Variants in TMEM63B observed in about 807,000 individuals in gnomAD.
TMEM63B encodes the protein transmembrane protein 63B, also known as mechanosensitive cation channel TMEM63B.
TMEM63B carries 23 observed loss-of-function variants against 102.6 expected under a neutral mutation model. That is an observed-to-expected ratio of 0.22 (90% CI 0.16 to 0.32). The LOEUF (loss-of-function observed/expected upper bound fraction) is 0.32, where lower values mean the gene tolerates loss of function less well. Among genes scored for constraint, TMEM63B ranks in the 10% least tolerant of loss-of-function variants. The probability of loss-of-function intolerance (pLI) is 1.00; values close to 1 mark genes in which losing one functional copy is unlikely to be tolerated. For synonymous variants in TMEM63B, 444 were observed against 437.0 expected (o/e 1.02, Z -0.20); for missense variants, 628 against 1,095.9 (o/e 0.57, Z 6.03).
In TMEM63B at chr6:44,149,816, C is replaced by T. The variant is rs1176860686; in HGVS notation, c.1414-43C>T. 6 of 1,531,470 alleles carry T rather than the reference C, an allele frequency of 3.9e-6. No individual in the cohort carries two copies. The East Asian group carries it at 7.2e-5, about 18-fold the overall frequency. 94.9% of individuals were successfully genotyped at this position (1,531,470 alleles called of 1,614,324 possible). ...GCACATAAGCAAAGCCACCTGGGCC[C>T]CCTAGACTGCCCTGCCTGACGCCCC... On this transcript the variant is annotated intron_variant, in intron 15 of 23. Coordinates refer to ENST00000323267, the MANE Select transcript of TMEM63B (RefSeq NM_018426.3).
chr6:44,144,317 A>G (rs1373117291), intron 10 of TMEM63B, among the ~76,000 whole-genome samples: 1 of 152,174 alleles, frequency 6.6e-6, no homozygotes, highest in Non-Finnish European at 1.5e-5. Flanking sequence ...CAATTAGGAA[A>G]TATCTTGCAT....
At position 44,134,540 on chromosome 6, in the gene TMEM63B, AC is replaced by A; in HGVS notation, c.-24-20del. 1 of 1,601,456 alleles carries A rather than the reference AC, an allele frequency of 6.2e-7. No homozygotes were observed. Among genetic ancestry groups the A allele is most frequent in the Non-Finnish European group, 8.5e-7 (1 of 1,171,834 alleles). ...AAGGGGATGGGGGCAAGCCCAGCTG[AC>A]TGCTCCACCCTCTGCCCAGGAGGAC... On this transcript the variant is annotated intron_variant, in intron 1 of 23. Coordinates refer to ENST00000323267, the MANE Select transcript of TMEM63B (RefSeq NM_018426.3).
chr6:44,139,599 G>T lies in TMEM63B; in HGVS notation c.540G>T (p.Gly180=), dbSNP rs757620173. The part of the protein sequence containing the change: ...VGIVLPVNFS[G]DLLENNAYSF... ...TCGTGCTGCCTGTCAACTTCTCAGG[G>T]GACCTGCTGGGTCAGTGAGGGCCAG... Residue 180 remains glycine (G), a synonymous_variant, in exon 7 of 24, where the codon GGG becomes GGT. Transcript: ENST00000323267. 2 of 1,614,194 alleles carry T rather than the reference G, an allele frequency of 1.2e-6. No individual in the cohort carries two copies. Among genetic ancestry groups the T allele is most frequent in the Admixed American group, 3.3e-5 (2 of 60,028 alleles).
At chr6:44,138,431 T>A (rs1763447554) in intron 5 of TMEM63B, 49 bp from the exon 6 acceptor site, 1 of 1,613,114 alleles carries the variant, frequency 6.2e-7, no homozygotes, top group South Asian at 1.1e-5. Context: ...GGAGAGAGGT[T>A]CGGGTTGGTG....
chr6:44,136,445 T>C lies in TMEM63B; in HGVS notation c.369+6T>C. 1 of 1,611,608 alleles carries C rather than the reference T, an allele frequency of 6.2e-7. No individual in the cohort carries two copies. Among genetic ancestry groups the C allele is most frequent in the Non-Finnish European group, 8.5e-7 (1 of 1,178,376 alleles). ...ACTTTGACCAAAGGGACAATGTGAG[T>C]GCCCTCCCCCCAAACTTCTTAGTCC... On this transcript the variant is annotated splice_donor_region_variant and intron_variant, in intron 5 of 23. Transcript: ENST00000323267.
In TMEM63B at chr6:44,135,506, A is replaced by G. The variant is rs538483501; in HGVS notation, c.278+140A>G. On this transcript the variant is annotated intron_variant, in intron 4 of 23. Coordinates refer to ENST00000323267, the MANE Select transcript of TMEM63B (RefSeq NM_018426.3). The stretch of plus-strand genomic sequence containing the variant: ...GCAGGCTCATGTTTCGGATTAACGC[A>G]GGCGGTGTGCTTTGCAGAGCAGGGG... 15 of 1,117,006 alleles carry G rather than the reference A, an allele frequency of 1.3e-5. No individual in the cohort carries two copies. In the South Asian group the frequency reaches 2.3e-4, roughly 17 times the overall value. 69.2% of individuals were successfully genotyped at this position (1,117,006 alleles called of 1,614,324 possible). A position where few individuals can be genotyped will look rare whatever the true frequency, so the allele number is the denominator to read the frequency against.
rs764769859 is a variant in TMEM63B at position 44,154,089 on chromosome 6, G to A, written c.2127G>A (p.Thr709=). The stretch of plus-strand genomic sequence containing the variant: ...CAACACCAGGGTTCCTAGCTCCCAC[G>A]TCTATGTTCACATTTGTGGTCCTGG... ...STMRTGFLAP[T]SMFTFVVLVI... is the part of the protein sequence containing the mutation. Residue 709 remains threonine, a synonymous_variant, in exon 22 of 24, where the codon ACG becomes ACA. Coordinates refer to ENST00000323267, the MANE Select transcript of TMEM63B (RefSeq NM_018426.3). 14 of 1,613,970 alleles carry A rather than the reference G, an allele frequency of 8.7e-6. No homozygotes were observed. Among genetic ancestry groups the A allele is most frequent in the South Asian group, 2.2e-5 (2 of 91,084 alleles).
In TMEM63B at chr6:44,152,056, C is replaced by T. The variant is rs1766777426; in HGVS notation, c.1836+48C>T. 1 of 1,538,138 alleles carries T rather than the reference C, an allele frequency of 6.5e-7. No individual in the cohort carries two copies. Among genetic ancestry groups the T allele is most frequent in the Non-Finnish European group, 8.7e-7 (1 of 1,145,958 alleles). ...CGGCCCGCACAGCGCCCCCTGGTGG[C>T]CCAACAAGAAACAGCAGCCATCGCG... On this transcript the variant is annotated intron_variant, in intron 19 of 23. Coordinates refer to ENST00000323267, the MANE Select transcript of TMEM63B (RefSeq NM_018426.3). The surrounding 1 kb of genome is among the most constrained non-coding windows in gnomAD (Gnocchi z 6.4).
intron 20 of TMEM63B, among the ~76,000 whole-genome samples, chr6:44,153,418 A>G (rs375041098): frequency 1.3e-3 from 199 of 152,360 alleles, no homozygotes; most frequent in African/African-American, 4.5e-3. Flanking sequence ...ACGGGTTTTA[A>G]GAAGATGCTT....
Position 44,154,035 on chromosome 6 carries a change from A to G in TMEM63B, c.2111-38A>G, listed in dbSNP as rs373617212. 15 of 1,598,786 alleles carry G rather than the reference A, an allele frequency of 9.4e-6. No individual in the cohort carries two copies. The African/African-American group carries it at 1.6e-4, about 17-fold the overall frequency. ...CAGAAGCTGGGGTGGGGAGGCCCACAGGAGATAGCAACCCCATTCTTTGCC... is the reference window on the plus strand; with the variant it reads ...CAGAAGCTGGGGTGGGGAGGCCCACGGGAGATAGCAACCCCATTCTTTGCC... On this transcript the variant is annotated intron_variant, in intron 21 of 23. Coordinates refer to ENST00000323267, the MANE Select transcript of TMEM63B (RefSeq NM_018426.3).
chr6:44,140,952 T>C, intron 9 of TMEM63B, 76 bp from the exon 10 acceptor site: 1 of 1,318,978 alleles, frequency 7.6e-7, no homozygotes, highest in Non-Finnish European at 1.1e-6. Flanking sequence ...CTTTCTCTAG[T>C]GCCCCCCACC....
chr6:44,135,241 G>C (rs1762687643), intron 3 of TMEM63B, 87 bp from the exon 4 acceptor site: 3 of 1,566,436 alleles, frequency 1.9e-6, no homozygotes, highest in Non-Finnish European at 2.6e-6. Context: ...ATGGGGGCAT[G>C]AGGGCCCTAA....
In TMEM63B at chr6:44,149,974, C is replaced by T. The variant is rs1296710174; in HGVS notation, c.1520+9C>T. ...GAAGCCCACTGGACACGGTAAGGTGCCTCCACTCACACCACACCTCGCTGT... is the reference window on the plus strand; with the variant it reads ...GAAGCCCACTGGACACGGTAAGGTGTCTCCACTCACACCACACCTCGCTGT... On this transcript the variant is annotated intron_variant, in intron 16 of 23. Transcript: ENST00000323267. 1.2e-6 allele frequency: 2 copies of T among 1,609,846 alleles called. No homozygotes were observed. The highest frequency in any genetic ancestry group is 3.3e-5 in the Admixed American group (2 of 59,754).
intron 6 of TMEM63B, 111 bp downstream of exon 6, chr6:44,138,628 C>A: frequency 7.8e-7 from 1 of 1,280,270 alleles, no homozygotes; most frequent in Non-Finnish European, 1.1e-6. Flanking sequence ...TCCTCGCCAG[C>A]ACAGCACCCT....
intron 10 of TMEM63B, among the ~76,000 whole-genome samples, chr6:44,143,734 TAG>T (rs2128244709): frequency 6.6e-6 from 1 of 151,968 alleles, no homozygotes; most frequent in East Asian, 1.9e-4. Flanking sequence ...GAACTAGTAA[TAG>T]AGACTGTGTC....
In TMEM63B at chr6:44,150,550, C is replaced by G; in HGVS notation, c.1608-14C>G. On this transcript the variant is annotated splice_polypyrimidine_tract_variant and intron_variant, in intron 17 of 23. Transcript: ENST00000323267. The surrounding 1 kb of genome is among the most constrained non-coding windows in gnomAD (Gnocchi z 4.7). ...CTCCAGCTCCCACCCCATCTCTCCT[C>G]TGCTTCCCTCCAGCCTGGACCTCTT... The G allele has an allele frequency of 6.2e-7, 1 of 1,614,096 alleles. No individual in the cohort carries two copies. Among genetic ancestry groups the G allele is most frequent in the South Asian group, 1.1e-5 (1 of 91,058 alleles).
intron 10 of TMEM63B, among the ~76,000 whole-genome samples, chr6:44,145,714 T>A (rs996860082): frequency 1.3e-5 from 2 of 152,132 alleles, no homozygotes; most frequent in Non-Finnish European, 2.9e-5. Context: ...GGCAGGATGA[T>A]CACTTGAACC....
intron 10 of TMEM63B, among the ~76,000 whole-genome samples, chr6:44,141,426 C>A (rs1380652174): frequency 6.6e-6 from 1 of 152,174 alleles, no homozygotes; most frequent in Non-Finnish European, 1.5e-5. Context: ...TTAAAAGCAG[C>A]ATTCTGGAGT....
intron 10 of TMEM63B, among the ~76,000 whole-genome samples, chr6:44,146,230 C>T (rs1326879645): frequency 1.3e-5 from 2 of 152,088 alleles, no homozygotes; most frequent in East Asian, 1.9e-4. Context: ...GGTCACAGCC[C>T]TGGACAGGAA....
Sources: allele counts gnomAD v4.1 joint callset (sites outside exome capture counted in the v4.1 genomes callset), GRCh38; gene constraint gnomAD v4.1.1; non-coding constraint Gnocchi (gnomAD v3.1); transcripts MANE v1.5; gene names NCBI Gene and HGNC (gene_info 2026-07-23, HGNC 2026-07-21).